The following SPTBN2 variants were observed in gnomAD, a reference collection of about 807,000 sequenced individuals.
SPTBN2 encodes spectrin beta, non-erythrocytic 2, also known as spectrin beta chain, non-erythrocytic 2.
In SPTBN2, 107 loss-of-function variants were observed where a neutral mutation model predicts 284.2. That is an observed-to-expected ratio of 0.38 (90% confidence interval 0.32 to 0.44). SPTBN2 has a LOEUF of 0.44. Ranked by LOEUF, SPTBN2 falls within the 20% of genes least tolerant of loss-of-function variation. The pLI, the probability that SPTBN2 is intolerant of heterozygous loss-of-function variation, is 1.00. For missense variants in SPTBN2, 2,569 were observed against 3,287.1 expected (o/e 0.78, Z 5.34); for synonymous variants, 1,289 against 1,354.8 (o/e 0.95, Z 1.07).
intron 26 of SPTBN2, among the ~76,000 whole-genome samples, chr11:66,692,222 G>A (rs1032639739): frequency 5.3e-5 from 8 of 152,046 alleles, no homozygotes; most frequent in African/African-American, 1.9e-4. Flanking sequence ...AGGCATGCAC[G>A]GCTGTGCCTG....
chr11:66,713,533 G>T, intron 8 of SPTBN2, 98 bp downstream of exon 8: 1 of 885,154 alleles, frequency 1.1e-6, no homozygotes. Flanking sequence ...ATCAGTTGGT[G>T]GTTACTCCAT....
chr11:66,721,396 G>T lies in SPTBN2; in HGVS notation c.-69C>A. 1 of 1,007,584 alleles carries T rather than the reference G, an allele frequency of 9.9e-7. No homozygotes were observed. The highest frequency in any genetic ancestry group is 1.5e-6 in the Non-Finnish European group (1 of 656,218). The allele number at this position is 1,007,584 out of a possible 1,614,324, so 62.4% of individuals were successfully genotyped here. ...GCCAGAGGCTGCGGTTGGCTGCTCA[G>T]TGGAAATCAGCCCCCAGGGGAAGAG... On this transcript the variant is annotated 5_prime_UTR_variant, in exon 2 of 38. In the 5' UTR this introduces an upstream ATG that the reference lacks. Transcript: ENST00000533211.
In SPTBN2 at chr11:66,699,516, GTC is replaced by G. The variant is rs1565126878; in HGVS notation, c.3664_3665del (p.Asp1222ArgfsTer19). 6.2e-7 allele frequency: 1 copy of G among 1,614,134 alleles called. No homozygotes were observed. The highest frequency in any genetic ancestry group is 1.1e-5 in the South Asian group (1 of 91,080). On this transcript the variant is annotated frameshift_variant, in exon 18 of 38. Coordinates refer to ENST00000533211, the MANE Select transcript of SPTBN2 (RefSeq NM_006946.4). LOFTEE classifies it high-confidence loss of function. ...KKLEDFMSTM[D>X]ANGERIHGLL... ...GCCCGTGGATCCGTTCCCCATTGGC[GTC>G]CATGGTGCTCATGAAGTCCTCCAGT... is the stretch of plus-strand genomic sequence containing the variant.
rs750520015 is a variant in SPTBN2, at chr11:66,704,832, G to A, written c.2444C>T (p.Pro815Leu). The A allele has an allele frequency of 4.9e-5, 78 of 1,607,616 alleles. No individual in the cohort carries two copies. The Admixed American group carries it at 1.3e-3, about 27-fold the overall frequency. The change falls in exon 15 of 38, where the codon CCC becomes CTC. Residue 815 changes from proline to leucine, a missense_variant. Transcript: ENST00000533211. ...CACCTCGGGCGTGCGGCTCAGTGTG[G>A]GGGGCAGGGCTGCTGCCTGTTCCCT... ...ALREQAAALP[P>L]TLSRTPEVQS...
At position 66,693,778 on chromosome 11, in the gene SPTBN2, T is replaced by C; in HGVS notation, c.4587A>G (p.Lys1529=). 1 of 1,613,028 alleles carries C rather than the reference T, an allele frequency of 6.2e-7. No individual in the cohort carries two copies. Among genetic ancestry groups the C allele is most frequent in the Non-Finnish European group, 8.5e-7 (1 of 1,179,618 alleles). Residue 1529 remains lysine (K), a synonymous_variant, in exon 23 of 38, where the codon AAA becomes AAG. Coordinates refer to ENST00000533211, the MANE Select transcript of SPTBN2 (RefSeq NM_006946.4). This position sits in a 1 kb window ranked among gnomAD's most constrained non-coding sequence, Gnocchi z 5.7. ...CCTTCAGCCTCTGCCTCACCTGGTT[T>C]TTCTTCATGAGAAGCTGGACGCTGG... is the stretch of plus-strand genomic sequence containing the variant. The part of the protein sequence containing the change: ...DLPSVQLLMK[K]NQTLQKEIQG...
chr11:66,705,101 G>T lies in SPTBN2; in HGVS notation c.2175C>A (p.Leu725=). Residue 725 remains leucine (L), a synonymous_variant, in exon 15 of 38, where the codon CTC becomes CTA. Transcript: ENST00000533211. The part of the protein sequence containing the change: ...ASQASARAAE[L]QAQWERLEAL... ...CCTCTAGCCGCTCCCACTGGGCTTG[G>T]AGTTCAGCTGCACGGGCAGAGGCCT... 6.4e-7 allele frequency: 1 copy of T among 1,562,368 alleles called. No homozygotes were observed.
chr11:66,694,926 C>A (rs902577920), intron 21 of SPTBN2, among the ~76,000 whole-genome samples: 2 of 152,224 alleles, frequency 1.3e-5, no homozygotes, highest in African/African-American at 2.4e-5. Flanking sequence ...GCAAAACTGT[C>A]CACAGTGCGC....
chr11:66,724,161 C>T (rs1006194173), intron 1 of SPTBN2, among the ~76,000 whole-genome samples: 1 of 152,234 alleles, frequency 6.6e-6, no homozygotes, highest in Admixed American at 6.5e-5. Flanking sequence ...AGGCTCACGC[C>T]TGTAATCCCA....
intron 8 of SPTBN2, among the ~76,000 whole-genome samples, chr11:66,711,256 C>T (rs1296064110): frequency 6.6e-6 from 1 of 152,144 alleles, no homozygotes; most frequent in Non-Finnish European, 1.5e-5. Context: ...AGCACAAACC[C>T]CAGAAGCACA....
Position 66,690,115 on chromosome 11 carries a change from A to T in SPTBN2, c.5734T>A (p.Phe1912Ile). 7 of 1,614,250 alleles carry T rather than the reference A, an allele frequency of 4.3e-6. No individual in the cohort carries two copies. Among genetic ancestry groups the T allele is most frequent in the Non-Finnish European group, 5.9e-6 (7 of 1,180,044 alleles). ...ATCAGTTCCCGGACAGCCTTGAAGAAGCGGAACTTGTCTGTGGTGTCCAGC... is the reference window on the plus strand; with the variant it reads ...ATCAGTTCCCGGACAGCCTTGAAGATGCGGAACTTGTCTGTGGTGTCCAGC... ...LLLDTTDKFR[F>I]FKAVRELMLW... Residue 1912 changes from phenylalanine (F) to isoleucine (I), a missense_variant, in exon 28 of 38, where the codon TTC becomes ATC. Transcript: ENST00000533211.
At chr11:66,706,691 G>A (rs1301863262) in intron 13 of SPTBN2, among the ~76,000 whole-genome samples, 2 of 150,108 alleles carry the variant, frequency 1.3e-5, no homozygotes, top group Non-Finnish European at 3.0e-5. Context: ...GTGCAGTGGT[G>A]CAATCTTGGC....
At position 66,715,170 on chromosome 11, in the gene SPTBN2, G is replaced by A. The variant is rs371555776; in HGVS notation, c.483+52C>T. The A allele has an allele frequency of 4.7e-5, 75 of 1,601,096 alleles. No homozygotes were observed. In the Middle Eastern group the frequency reaches 5.0e-4, roughly 11 times the overall value. On this transcript the variant is annotated intron_variant, in intron 5 of 37. Transcript: ENST00000533211. The surrounding 1 kb of genome is among the most constrained non-coding windows in gnomAD (Gnocchi z 5.3). ...TCATGGGCCAGCAGGAACGGCTTGCGGTGCAGAGCCAGGGCAGGAACCACA... is the reference window on the plus strand; with the variant it reads ...TCATGGGCCAGCAGGAACGGCTTGCAGTGCAGAGCCAGGGCAGGAACCACA...
chr11:66,706,623 G>T (rs1340952625), intron 13 of SPTBN2, among the ~76,000 whole-genome samples: 1 of 148,012 alleles, frequency 6.8e-6, no homozygotes, highest in East Asian at 2.0e-4. Context: ...GAGCCACCTT[G>T]CCTAGCTGCT....
rs544395934 is a variant in SPTBN2 at position 66,705,391 on chromosome 11, A to T, written c.1885T>A (p.Leu629Met). 1 of 1,612,844 alleles carries T rather than the reference A, an allele frequency of 6.2e-7. No individual in the cohort carries two copies. The highest frequency in any genetic ancestry group is 1.7e-5 in the Admixed American group (1 of 60,014). The change falls in exon 15 of 38, where the codon TTG becomes ATG. Residue 629 changes from leucine to methionine, a missense_variant. By Grantham distance (15) the Leu-to-Met change is conservative (BLOSUM62 2). Transcript: ENST00000533211. ...AGCCGGGCCCGCCGCGCCGCTGCCA[A>T]CTCGCACAGTGCCTCATAGCTCTGC... ...LEQSYEALCE[L>M]AAARRARLEE...
rs1432809602 is a variant in SPTBN2 at position 66,682,804 on chromosome 11, C to G, written c.*3067G>C. ...TTGAGACAGGGTCTCACTTTATTGC[C>G]TAGACTGGAGTGCAGTGGCATGATC... is the stretch of plus-strand genomic sequence containing the variant. On this transcript the variant is annotated 3_prime_UTR_variant, in exon 38 of 38. Transcript: ENST00000533211. Among the ~76,000 whole-genome samples the G allele has an allele frequency of 6.6e-6, 1 of 151,928 alleles. No individual in the cohort carries two copies. Among genetic ancestry groups the G allele is most frequent in the African/African-American group, 2.4e-5 (1 of 41,342 alleles).
chr11:66,684,653 GAA>G lies in SPTBN2; in HGVS notation c.*1216_*1217del, dbSNP rs1302823088. Among the ~76,000 whole-genome samples the G allele has an allele frequency of 2.0e-5, 3 of 148,398 alleles. No homozygotes were observed. The highest frequency in any genetic ancestry group is 2.0e-4 in the Admixed American group (3 of 14,850). ...CTGTCTCAAAAAAAAAAAAAAAAAA[GAA>G]TATATATTATCCTCTGTGTGTATAT... is the stretch of plus-strand genomic sequence containing the variant. On this transcript the variant is annotated 3_prime_UTR_variant, in exon 38 of 38. Coordinates refer to ENST00000533211, the MANE Select transcript of SPTBN2 (RefSeq NM_006946.4).
chr11:66,704,035 C>T (rs1161189642), intron 15 of SPTBN2, among the ~76,000 whole-genome samples: 3 of 147,364 alleles, frequency 2.0e-5, no homozygotes, highest in Non-Finnish European at 3.0e-5. Flanking sequence ...AGCAGTGGCA[C>T]GATCTCGGCT....
upstream of SPTBN2, among the ~76,000 whole-genome samples, chr11:66,733,894 C>T (rs148531075): frequency 0.036 from 5,390 of 149,006 alleles, 148 homozygotes; most frequent in Middle Eastern, 0.093. Context: ...AGGAGAATGG[C>T]GTGAACCCGG....
intron 1 of SPTBN2, among the ~76,000 whole-genome samples, chr11:66,742,549 T>G (rs549069617): frequency 6.6e-6 from 1 of 152,008 alleles, no homozygotes; most frequent in African/African-American, 2.4e-5. Context: ...AACCAACTCA[T>G]CTTCATTCTC....
Sources: gnomAD v4.1 joint callset for allele counts (sites outside exome capture counted in the v4.1 genomes callset) on GRCh38, gnomAD v4.1.1 for gene constraint, Gnocchi (gnomAD v3.1) non-coding constraint, MANE v1.5 for transcripts, NCBI Gene and HGNC (gene_info 2026-07-23, HGNC 2026-07-21) for gene names.